The following LRRC37A2 variants were observed in gnomAD, a reference collection of about 807,000 sequenced individuals.
The protein encoded by LRRC37A2 is leucine rich repeat containing 37 member A2, also known as leucine-rich repeat-containing protein 37A2.
A neutral mutation model predicts 68.8 loss-of-function variants in LRRC37A2; 9 were observed. That is an observed-to-expected ratio of 0.13 (90% CI 0.08 to 0.23). LRRC37A2 has a LOEUF of 0.23. Among genes scored for constraint, LRRC37A2 ranks in the 10% least tolerant of loss-of-function variants. LRRC37A2 has a pLI of 1.00. For synonymous variants in LRRC37A2, 63 were observed against 367.6 expected, an observed-to-expected ratio of 0.17 and a Z score of 9.48; for missense variants, 168 against 950.4, an observed-to-expected ratio of 0.18 and a Z score of 10.82.
chr17:46,558,844 T>G (rs1167327107), downstream of LRRC37A2: 2 of 125,812 alleles, frequency 1.6e-5, 1 homozygote, highest in African/African-American at 6.3e-5. Flanking sequence ...TTCTTTTTTT[T>G]TTTTTTTTTT....
the LRRC37A2 span, chr17:46,714,048 A>G: frequency 6.6e-7 from 1 of 1,507,068 alleles, no homozygotes. Context: ...GTGTGCACAT[A>G]TATATGCCTT....
At chr17:46,941,740 A>ATTTTTTTT in the LRRC37A2 span, 1 of 149,700 alleles carries the variant, frequency 6.7e-6, no homozygotes, top group Non-Finnish European at 1.4e-5. Context: ...TGTCTGGCTA[A>ATTTTTTTT]TTTTTTTTTT....
chr17:46,707,694 T>A, the LRRC37A2 span, among the ~76,000 whole-genome samples: 1 of 152,150 alleles, frequency 6.6e-6, no homozygotes, highest in Non-Finnish European at 1.5e-5. Flanking sequence ...GTCAACCATC[T>A]TGCAGCATGT....
the LRRC37A2 span, among the ~76,000 whole-genome samples, chr17:46,466,733 CAT>C: frequency 4.0e-5 from 4 of 98,954 alleles, no homozygotes; most frequent in Admixed American, 1.9e-4. Flanking sequence ...CCTCAATAAA[CAT>C]GTGTGCATGT....
At chr17:46,398,013 T>C in the LRRC37A2 span, among the ~76,000 whole-genome samples, 1 of 66,362 alleles carries the variant, frequency 1.5e-5, no homozygotes, top group African/African-American at 4.7e-5. Flanking sequence ...TAGCCTCAGC[T>C]ACTTGGGAGA....
chr17:46,809,224 A>C, the LRRC37A2 span, among the ~76,000 whole-genome samples: 1 of 152,184 alleles, frequency 6.6e-6, no homozygotes, highest in African/African-American at 2.4e-5. Flanking sequence ...GTGTCAGAGC[A>C]GGGGAGTGGC....
At chr17:46,927,295 TGCTGCA>T in the LRRC37A2 span, among the ~76,000 whole-genome samples, 1 of 152,252 alleles carries the variant, frequency 6.6e-6, no homozygotes, top group Non-Finnish European at 1.5e-5. Context: ...CTTTGTTATC[TGCTGCA>T]GATACCCTCC....
At chr17:46,820,543 G>A in the LRRC37A2 span, among the ~76,000 whole-genome samples, 1 of 152,158 alleles carries the variant, frequency 6.6e-6, no homozygotes, top group African/African-American at 2.4e-5. Context: ...CTGACCAGGA[G>A]TGGTGAACCT....
At chr17:47,006,864 A>C in the LRRC37A2 span, among the ~76,000 whole-genome samples, 15 of 152,258 alleles carry the variant, frequency 9.9e-5, no homozygotes, top group African/African-American at 3.4e-4. Context: ...GATAAAAGAC[A>C]AGTTAATGTA....
chr17:46,751,394 T>TG, the LRRC37A2 span: 1 of 765,558 alleles, frequency 1.3e-6, no homozygotes, highest in Non-Finnish European at 2.2e-6. Context: ...TCTATCAACT[T>TG]GAACAGTTAG....
At chr17:46,870,432 G>T in the LRRC37A2 span, among the ~76,000 whole-genome samples, 1 of 152,222 alleles carries the variant, frequency 6.6e-6, no homozygotes, top group Non-Finnish European at 1.5e-5. Context: ...TGTAGACCTG[G>T]TGGACTGGAA....
chr17:46,929,607 C>G, the LRRC37A2 span: 17 of 1,217,994 alleles, frequency 1.4e-5, no homozygotes, highest in Non-Finnish European at 2.0e-5. Flanking sequence ...CTGTGGAGAC[C>G]AGAGTCCTTT....
chr17:46,852,434 GTGTGTGTA>G, the LRRC37A2 span, among the ~76,000 whole-genome samples: 1 of 144,386 alleles, frequency 6.9e-6, no homozygotes, highest in African/African-American at 2.7e-5. Flanking sequence ...GTGTGTGTGT[GTGTGTGTA>G]CATGGTTGGA....
the LRRC37A2 span, among the ~76,000 whole-genome samples, chr17:46,491,096 C>T: frequency 3.3e-5 from 5 of 150,894 alleles, no homozygotes; most frequent in South Asian, 2.1e-4. Context: ...GGAGTTTCAC[C>T]GTGTTGCCCA....
At chr17:46,931,399 G>T in the LRRC37A2 span, 1 of 611,454 alleles carries the variant, frequency 1.6e-6, no homozygotes, top group South Asian at 2.0e-5. Flanking sequence ...AGCCTGTGAG[G>T]TTTGTGACTC....
chr17:46,835,501 A>G, the LRRC37A2 span, among the ~76,000 whole-genome samples: 867 of 152,178 alleles, frequency 5.7e-3, 5 homozygotes, highest in Non-Finnish European at 9.4e-3. Context: ...ATGAGCCACC[A>G]CGCCCAGCCC....
At chr17:46,859,931 G>A in the LRRC37A2 span, among the ~76,000 whole-genome samples, 1 of 152,082 alleles carries the variant, frequency 6.6e-6, no homozygotes, top group African/African-American at 2.4e-5. Context: ...CTTCCAATGT[G>A]CTCTATGTAT....
chr17:47,024,192 A>G, the LRRC37A2 span, among the ~76,000 whole-genome samples: 1 of 152,188 alleles, frequency 6.6e-6, no homozygotes, highest in South Asian at 2.1e-4. Flanking sequence ...CTGTCTCAAA[A>G]ATTAAATTAA....
chr17:46,868,316 G>A, the LRRC37A2 span, among the ~76,000 whole-genome samples: 1 of 152,226 alleles, frequency 6.6e-6, no homozygotes, highest in Non-Finnish European at 1.5e-5. Flanking sequence ...ATTTGGCTGG[G>A]CGTGGTGGCT....
Sources: allele counts gnomAD v4.1 joint callset (sites outside exome capture counted in the v4.1 genomes callset), GRCh38; gene constraint gnomAD v4.1.1; transcripts MANE v1.5; gene names NCBI Gene and HGNC (gene_info 2026-07-23, HGNC 2026-07-21).